The following DCDC1 variants were observed in gnomAD, a reference collection of about 807,000 sequenced individuals.
The protein encoded by DCDC1 is doublecortin domain-containing protein 1.
In DCDC1, 200 loss-of-function variants were observed where a neutral mutation model predicts 178.3. The observed-to-expected ratio is 1.12, with a 90% CI of 1.00 to 1.26. The LOEUF (loss-of-function observed/expected upper bound fraction) is 1.26. DCDC1 is among the 50% of genes most tolerant of loss of function. The pLI is 0.00. For missense variants in DCDC1, 1,983 were observed against 1,749.2 expected, an observed-to-expected ratio of 1.13 and a Z score of -2.38; for synonymous variants, 690 against 604.8, an observed-to-expected ratio of 1.14 and a Z score of -2.07.
At chr11:31,252,476 A>C (rs1170462877) in intron 8 of DCDC1, among the ~76,000 whole-genome samples, 2 of 152,284 alleles carry the variant, frequency 1.3e-5, no homozygotes, top group Non-Finnish European at 2.9e-5. Flanking sequence ...TAGATTAATT[A>C]TATGATGTGT....
intron 2 of DCDC1, among the ~76,000 whole-genome samples, chr11:31,331,386 C>T (rs924584657): frequency 6.6e-6 from 1 of 152,106 alleles, no homozygotes; most frequent in African/African-American, 2.4e-5. Flanking sequence ...TTTCTCTTGC[C>T]TGATTGCCCT....
chr11:30,964,438 C>A (rs968717677), intron 20 of DCDC1, among the ~76,000 whole-genome samples: 9 of 152,060 alleles, frequency 5.9e-5, no homozygotes, highest in African/African-American at 2.2e-4. Flanking sequence ...TGGCATAGAT[C>A]TTTTTGCCTC....
intron 4 of DCDC1, 69 bp downstream of exon 4, chr11:31,307,570 T>C (rs913581663): frequency 5.1e-6 from 8 of 1,567,710 alleles, no homozygotes; most frequent in Admixed American, 1.8e-5. Flanking sequence ...AATTGAAACA[T>C]TATAAACTCT....
At chr11:30,960,527 T>G (rs1949033632) in intron 20 of DCDC1, among the ~76,000 whole-genome samples, 1 of 152,122 alleles carries the variant, frequency 6.6e-6, no homozygotes. Flanking sequence ...ACAACACAAA[T>G]TAGAACTTTA....
intron 36 of DCDC1, among the ~76,000 whole-genome samples, chr11:30,887,571 AG>A (rs2134011435): frequency 6.6e-6 from 1 of 152,306 alleles, no homozygotes; most frequent in South Asian, 2.1e-4. Context: ...TCTAGAAGTA[AG>A]GTATTTGTTA....
intron 35 of DCDC1, among the ~76,000 whole-genome samples, chr11:30,893,662 C>T (rs930427623): frequency 7.2e-5 from 11 of 152,268 alleles, no homozygotes; most frequent in African/African-American, 1.2e-4. Context: ...AAACATTTCA[C>T]GAATTTGAGA....
In DCDC1 at chr11:31,064,514, A is replaced by G. The variant is rs1175086614; in HGVS notation, c.2546T>C (p.Leu849Pro). 4 of 765,914 alleles carry G rather than the reference A, an allele frequency of 5.2e-6. No individual in the cohort carries two copies. In the East Asian group the frequency reaches 9.7e-5, roughly 19 times the overall value. 47.4% of individuals were successfully genotyped at this position (765,914 alleles called of 1,614,324 possible). Residue 849 changes from leucine to proline, a missense_variant, in exon 20 of 39, where the codon CTG (leucine) becomes CCG (proline). Physicochemically the swap from Leu to Pro is moderately conservative, Grantham distance 98. Coordinates refer to ENST00000684477, the MANE Select transcript of DCDC1 (RefSeq NM_001387274.1). ...LEETGELTVALVRKLEEKHPK... is the reference protein window; with the variant it reads ...LEETGELTVAPVRKLEEKHPK... The stretch of plus-strand genomic sequence containing the variant: ...ATGTTTCTCTTCCAGTTTCCTCACC[A>G]GTGCTACTGTCAGCTCCCCCGTCTC...
intron 15 of DCDC1, among the ~76,000 whole-genome samples, chr11:31,099,160 T>C (rs1958340115): frequency 6.6e-6 from 1 of 152,190 alleles, no homozygotes; most frequent in South Asian, 2.1e-4. Context: ...CCAATTGTTT[T>C]TAGGTTTGAG....
intron 20 of DCDC1, among the ~76,000 whole-genome samples, chr11:30,958,652 C>T (rs1205576367): frequency 6.6e-6 from 1 of 152,126 alleles, no homozygotes; most frequent in East Asian, 1.9e-4. Context: ...AGCTAGAATA[C>T]ATGGGTTCAG....
intron 36 of DCDC1, among the ~76,000 whole-genome samples, chr11:30,888,032 G>GAGAAAGAAAGAAAGAA (rs1276190350): frequency 9.0e-6 from 1 of 111,436 alleles, no homozygotes; most frequent in African/African-American, 3.8e-5. Flanking sequence ...GAGAGAGAGA[G>GAGAAAGAAAGAAAGAA]AGAAAGAAAG....
intron 22 of DCDC1, 112 bp from the exon 23 acceptor site, chr11:30,925,520 G>T: frequency 3.3e-6 from 3 of 905,200 alleles, no homozygotes; most frequent in Non-Finnish European, 3.4e-6. Context: ...CTCTCTGCAG[G>T]ACTGTTAGTC....
intron 9 of DCDC1, among the ~76,000 whole-genome samples, chr11:31,160,447 AAGAGTT>A (rs2136160034): frequency 6.6e-6 from 1 of 152,332 alleles, no homozygotes; most frequent in African/African-American, 2.4e-5. Context: ...TTAATTGTGT[AAGAGTT>A]CTTTGGAGGA....
intron 1 of DCDC1, among the ~76,000 whole-genome samples, chr11:31,339,856 C>T (rs1950455073): frequency 6.6e-6 from 1 of 152,046 alleles, no homozygotes; most frequent in Non-Finnish European, 1.5e-5. Context: ...GGGCCTGTCT[C>T]AGGCAAATCA....
intron 20 of DCDC1, among the ~76,000 whole-genome samples, chr11:30,954,864 C>T (rs909845359): frequency 2.0e-5 from 3 of 152,138 alleles, no homozygotes; most frequent in African/African-American, 4.8e-5. Context: ...ATTACAAATT[C>T]ATTATCTGAG....
At chr11:30,975,171 A>G (rs1950035587) in intron 20 of DCDC1, among the ~76,000 whole-genome samples, 1 of 152,062 alleles carries the variant, frequency 6.6e-6, no homozygotes, top group African/African-American at 2.4e-5. Context: ...AAAATTTAAC[A>G]TTTCTTCATG....
intron 1 of DCDC1, among the ~76,000 whole-genome samples, chr11:31,351,708 A>T (rs1951082942): frequency 6.6e-6 from 1 of 152,132 alleles, no homozygotes; most frequent in Non-Finnish European, 1.5e-5. Flanking sequence ...CAAGCATGAA[A>T]TTTCATTTTA....
intron 7 of DCDC1, among the ~76,000 whole-genome samples, chr11:31,271,158 T>C (rs912604548): frequency 6.6e-6 from 1 of 152,188 alleles, no homozygotes; most frequent in African/African-American, 2.4e-5. Flanking sequence ...CAGAGAGAAA[T>C]TTGAAGCCTC....
chr11:30,894,846 A>AT (rs202010886), intron 34 of DCDC1, among the ~76,000 whole-genome samples: 3 of 151,758 alleles, frequency 2.0e-5, no homozygotes, highest in Non-Finnish European at 2.9e-5. Context: ...AGAGACAGGA[A>AT]TTTTTTTTTC....
intron 9 of DCDC1, among the ~76,000 whole-genome samples, chr11:31,227,360 G>A (rs756272567): frequency 5.3e-5 from 8 of 152,002 alleles, no homozygotes; most frequent in Non-Finnish European, 1.0e-4. Flanking sequence ...GAAGTTCCAG[G>A]CTTTTTTAAA....
Sources: gnomAD v4.1 joint callset for allele counts (sites outside exome capture counted in the v4.1 genomes callset) on GRCh38, gnomAD v4.1.1 for gene constraint, MANE v1.5 for transcripts, NCBI Gene and HGNC (gene_info 2026-07-23, HGNC 2026-07-21) for gene names.